The following TBC1D16 variants were observed in gnomAD, a reference collection of about 807,000 sequenced individuals.
The protein encoded by TBC1D16 is CTD-2529O21.1.
In TBC1D16, 58 loss-of-function variants were observed where a neutral mutation model predicts 74.7. The ratio of observed to expected loss-of-function variants is 0.78; its 90% confidence interval spans 0.63 to 0.97. TBC1D16 has a LOEUF of 0.97. TBC1D16 is among the 50% of genes least tolerant of loss of function. The probability of loss-of-function intolerance (pLI) is 0.00; values close to 1 mark genes in which losing one functional copy is unlikely to be tolerated. For synonymous variants in TBC1D16, 493 were observed against 474.7 expected (o/e 1.04, Z -0.50); for missense variants, 1,014 against 1,079.5 (o/e 0.94, Z 0.85).
chr17:79,982,783 CA>C (rs1002068063), intron 3 of TBC1D16, among the ~76,000 whole-genome samples: 26 of 152,216 alleles, frequency 1.7e-4, no homozygotes, highest in African/African-American at 6.3e-4. Flanking sequence ...GACTTGAACC[CA>C]GGGGGCGGAG....
intron 1 of TBC1D16, among the ~76,000 whole-genome samples, chr17:80,034,226 GAA>G (rs59078944): frequency 0.99 from 142,206 of 144,228 alleles, 70,134 homozygotes; most frequent in Middle Eastern, 1. Flanking sequence ...TTGAGACATA[GAA>G]TGTTGCTCTA....
intron 1 of TBC1D16, chr17:80,026,197 T>G (rs551721808): frequency 6.7e-6 from 1 of 149,588 alleles, no homozygotes; most frequent in East Asian, 1.9e-4. Context: ...CCAAGGCGGG[T>G]GGATCACCTG....
chr17:79,967,065 A>G lies in TBC1D16; in HGVS notation c.780-14247T>C, dbSNP rs558991346. On this transcript the variant is annotated intron_variant, in intron 3 of 11. Transcript: ENST00000310924. ...GAAAGGAACTTCCTCAATCTAATAA[A>G]TGTTATCTATGAAAAACCAACAACT... is the stretch of plus-strand genomic sequence containing the variant. 2.0e-5 allele frequency among the ~76,000 whole-genome samples: 3 copies of G among 152,266 alleles called. No individual in the cohort carries two copies. In the East Asian group the frequency reaches 5.8e-4, roughly 29 times the overall value.
chr17:79,962,329 C>G (rs1166844049), intron 3 of TBC1D16, among the ~76,000 whole-genome samples: 2 of 150,416 alleles, frequency 1.3e-5, no homozygotes, highest in Non-Finnish European at 3.0e-5. Context: ...ATTCTCCTGC[C>G]TCAGCCTCCC....
chr17:79,972,196 A>G (rs1000298539), intron 3 of TBC1D16, among the ~76,000 whole-genome samples: 61 of 152,162 alleles, frequency 4.0e-4, no homozygotes, highest in African/African-American at 1.4e-3. Flanking sequence ...CTTCCCCCTG[A>G]GAGGGAGTCT....
At chr17:79,984,831 A>G (rs981114781) in intron 3 of TBC1D16, among the ~76,000 whole-genome samples, 2 of 152,172 alleles carry the variant, frequency 1.3e-5, no homozygotes, top group African/African-American at 4.8e-5. Flanking sequence ...CACTGAAGTC[A>G]GACCTCAGAT....
rs1003967280 is a variant in TBC1D16 at position 79,987,942 on chromosome 17, T to C, written c.779+22218A>G. ...CTCCGAGGCTCTCGGATTTTACGCC[T>C]GCATGAGATTTCGAGGGAAGAATCC... is the stretch of plus-strand genomic sequence containing the variant. On this transcript the variant is annotated intron_variant, in intron 3 of 11. Transcript: ENST00000310924. The surrounding 1 kb of genome is among the most constrained non-coding windows in gnomAD (Gnocchi z 5.2). 1.3e-5 allele frequency among the ~76,000 whole-genome samples: 2 copies of C among 151,972 alleles called. No homozygotes were observed. Among genetic ancestry groups the C allele is most frequent in the Non-Finnish European group, 2.9e-5 (2 of 67,994 alleles).
At chr17:79,996,799 A>G (rs1443983513) in intron 3 of TBC1D16, among the ~76,000 whole-genome samples, 1 of 152,190 alleles carries the variant, frequency 6.6e-6, no homozygotes, top group Non-Finnish European at 1.5e-5. Context: ...ATTTGTGGGA[A>G]TTTATCCTAG....
Position 80,010,830 on chromosome 17 carries a change from G to A in TBC1D16, c.182-73C>T, listed in dbSNP as rs1264689942. On this transcript the variant is annotated intron_variant, in intron 2 of 11. Coordinates refer to ENST00000310924, the MANE Select transcript of TBC1D16 (RefSeq NM_019020.4). The surrounding 1 kb of genome is among the most constrained non-coding windows in gnomAD (Gnocchi z 8.8). ...ATGAGGCCCTTGTGGTACCTTTGGC[G>A]AGCTGCTCGGAGAGGCCACTGCCCT... is the stretch of plus-strand genomic sequence containing the variant. The A allele has an allele frequency of 9.4e-6, 11 of 1,169,154 alleles. No homozygotes were observed. The highest frequency in any genetic ancestry group is 2.4e-4 in the Middle Eastern group (1 of 4,190). 72.4% of individuals were successfully genotyped at this position (1,169,154 alleles called of 1,614,324 possible).
intron 6 of TBC1D16, 23 bp from the exon 7 acceptor site, chr17:79,949,888 G>C: frequency 4.4e-6 from 7 of 1,608,162 alleles, no homozygotes; most frequent in Non-Finnish European, 6.0e-6. Context: ...GCAAAAGTTG[G>C]GGAGGGGATA....
chr17:80,025,053 G>A (rs115998698), intron 1 of TBC1D16, among the ~76,000 whole-genome samples: 40 of 32,262 alleles, frequency 1.2e-3, no homozygotes, highest in South Asian at 1.9e-3. Context: ...ACACAACCAG[G>A]CACACACACT....
intron 5 of TBC1D16, 25 bp downstream of exon 5, chr17:79,951,425 A>G (rs996581154): frequency 6.2e-7 from 1 of 1,608,708 alleles, no homozygotes; most frequent in African/African-American, 1.3e-5. Flanking sequence ...ACCGCTGGGC[A>G]TTCTGGGGCC....
At position 79,935,585 on chromosome 17, in the gene TBC1D16, A is replaced by G. The variant is rs1217854922; in HGVS notation, c.*5274T>C. 1 of 152,266 alleles carries G rather than the reference A, an allele frequency of 6.6e-6. No individual in the cohort carries two copies. The highest frequency in any genetic ancestry group is 1.5e-5 in the Non-Finnish European group (1 of 68,070). 9.4% of individuals were successfully genotyped at this position (152,266 alleles called of 1,614,324 possible). On this transcript the variant is annotated 3_prime_UTR_variant, in exon 12 of 12. Coordinates refer to ENST00000310924, the MANE Select transcript of TBC1D16 (RefSeq NM_019020.4). ...CACAGAGCCTGCCGTGCTTTGACCC[A>G]GCAAGTCCCACCGCACCTTCCAGAG...
rs374356698 is a variant in TBC1D16 at position 79,950,395 on chromosome 17, C to T, written c.1257+16G>A. The T allele has an allele frequency of 7.5e-6, 12 of 1,590,496 alleles. No homozygotes were observed. In the African/African-American group the frequency reaches 9.4e-5, roughly 12 times the overall value. ...CCGGCTCTCCGCGGGGCCAGCTGGG[C>T]GGACCCGGACCTCACCTTCCGCAGC... On this transcript the variant is annotated intron_variant, in intron 6 of 11. Coordinates refer to ENST00000310924, the MANE Select transcript of TBC1D16 (RefSeq NM_019020.4). This position sits in a 1 kb window ranked among gnomAD's most constrained non-coding sequence, Gnocchi z 4.6.
At chr17:80,025,187 T>TA (rs2036532439) in intron 1 of TBC1D16, among the ~76,000 whole-genome samples, 1 of 147,362 alleles carries the variant, frequency 6.8e-6, no homozygotes, top group Non-Finnish European at 1.5e-5. Flanking sequence ...ACACATACCA[T>TA]GACACACACG....
chr17:79,947,123 G>C (rs1426567008), intron 9 of TBC1D16, among the ~76,000 whole-genome samples: 1 of 152,186 alleles, frequency 6.6e-6, no homozygotes, highest in East Asian at 1.9e-4. Flanking sequence ...TCTACATAGG[G>C]CTGGTCCTTT....
chr17:79,949,508 C>T (rs993229583), intron 7 of TBC1D16, among the ~76,000 whole-genome samples: 1 of 152,232 alleles, frequency 6.6e-6, no homozygotes, highest in African/African-American at 2.4e-5. Flanking sequence ...TGTGAGCTAA[C>T]GAGCCCCGCA....
At chr17:80,033,940 C>A (rs538925703) in intron 1 of TBC1D16, among the ~76,000 whole-genome samples, 127 of 152,296 alleles carry the variant, frequency 8.3e-4, no homozygotes, top group African/African-American at 2.9e-3. Context: ...AGACAGAGGG[C>A]AAAGTTGTAC....
At chr17:80,024,459 CCATAGACACACACACCACACACCAT>C (rs1282143585) in intron 1 of TBC1D16, among the ~76,000 whole-genome samples, 592 of 6,772 alleles carry the variant, frequency 0.087, no homozygotes, top group African/African-American at 0.21. Flanking sequence ...ACCACACACA[CCATAGACACACACACCACACACCAT>C]AGACACACAC....
Sources: gnomAD v4.1 joint callset for allele counts (sites outside exome capture counted in the v4.1 genomes callset) on GRCh38, gnomAD v4.1.1 for gene constraint, Gnocchi (gnomAD v3.1) non-coding constraint, MANE v1.5 for transcripts, NCBI Gene and HGNC (gene_info 2026-07-23, HGNC 2026-07-21) for gene names.